ENO4: variants seen among roughly 807,000 people sequenced by gnomAD.
ENO4 encodes the protein enolase 4, also known as 2-phospho-D-glycerate hydro-lyase.
Under a neutral mutation model 63.2 loss-of-function variants are expected in ENO4, and 53 were observed. That is an observed-to-expected ratio of 0.84 (90% CI 0.67 to 1.05). The LOEUF is 1.05. Among genes scored for constraint, ENO4 ranks in the 50% least tolerant of loss-of-function variants. The pLI is 0.00. For missense variants in ENO4, 719 were observed against 772.0 expected (o/e 0.93, Z 0.81); for synonymous variants, 266 against 283.8 (o/e 0.94, Z 0.63).
Position 116,874,085 on chromosome 10 carries a change from A to T in ENO4, c.1225A>T (p.Lys409Ter), listed in dbSNP as rs1226656717. The change falls in exon 10 of 14, where the codon AAG becomes TAG. Residue 409 changes from lysine (K) to a stop codon, truncating the protein, a stop_gained. Transcript: ENST00000341276. LOFTEE classifies it high-confidence loss of function. ...GHELMDYNKG[K>*]YEVIMGTYKN... ...TCCTGACACATATCAGAATAAAGGAAAGTATGAAGTGATCATGGGCACATA... is the reference window on the plus strand; with the variant it reads ...TCCTGACACATATCAGAATAAAGGATAGTATGAAGTGATCATGGGCACATA... The T allele has an allele frequency of 3.9e-5, 61 of 1,544,702 alleles. No individual in the cohort carries two copies. Among genetic ancestry groups the T allele is most frequent in the Non-Finnish European group, 5.2e-5 (59 of 1,142,318 alleles).
At chr10:116,904,472 A>G (rs1451478308) in intron 10 of ENO4, among the ~76,000 whole-genome samples, 1 of 151,152 alleles carries the variant, frequency 6.6e-6, no homozygotes, top group African/African-American at 2.4e-5. Context: ...CTATTAGGAA[A>G]CTCAAAGGAA....
Position 116,866,506 on chromosome 10 carries a change from G to A in ENO4, c.991-2144G>A, listed in dbSNP as rs541702359. 1.1e-4 allele frequency among the ~76,000 whole-genome samples: 16 copies of A among 152,258 alleles called. No homozygotes were observed. In the South Asian group the frequency reaches 3.3e-3, roughly 32 times the overall value. ...TCTTACATATCCTGTCAATGCACTG[G>A]TTTCCTCATCTGTACAACTTTTAAA... On this transcript the variant is annotated intron_variant, in intron 7 of 13. Coordinates refer to ENST00000341276, the MANE Select transcript of ENO4 (RefSeq NM_001242699.2).
intron 10 of ENO4, among the ~76,000 whole-genome samples, chr10:116,899,628 G>A (rs979295612): frequency 1.3e-5 from 2 of 151,968 alleles, no homozygotes; most frequent in African/African-American, 2.4e-5. Context: ...CCTTGACCTT[G>A]ATTCAGGTCA....
At position 116,868,659 on chromosome 10, in the gene ENO4, C is replaced by A. The variant is rs186731151; in HGVS notation, c.1000C>A (p.Pro334Thr). 4.4e-5 allele frequency: 68 copies of A among 1,550,488 alleles called. No homozygotes were observed. Among genetic ancestry groups the A allele is most frequent in the Non-Finnish European group, 5.5e-5 (63 of 1,146,974 alleles). Residue 334 changes from proline (P) to threonine (T), a missense_variant, in exon 8 of 14, where the codon CCA becomes ACA. Physicochemically the swap from Pro to Thr is conservative, Grantham distance 38 (BLOSUM62 -1). Transcript: ENST00000341276. ...INKIIEMPSP[P>T]KAETKKGHDG... ...ATCTTCTGCCCCACAGCCCTCTCCTCCAAAAGCAGAGACAAAAAAAGGGCA... is the reference window on the plus strand; with the variant it reads ...ATCTTCTGCCCCACAGCCCTCTCCTACAAAAGCAGAGACAAAAAAAGGGCA...
chr10:116,875,931 G>A (rs1846820173), intron 10 of ENO4, 134 bp from the exon 11 acceptor site: 1 of 613,380 alleles, frequency 1.6e-6, no homozygotes, highest in Non-Finnish European at 2.6e-6. Flanking sequence ...GGTCATTCAG[G>A]AACAGAAGTA....
rs1393514185 is a variant in ENO4, at chr10:116,849,895, A to C, written c.165+164A>C. 3 of 834,198 alleles carry C rather than the reference A, an allele frequency of 3.6e-6. No individual in the cohort carries two copies. In the Admixed American group the frequency reaches 6.2e-5, roughly 17 times the overall value. The allele number at this position is 834,198 out of a possible 1,614,324, so 51.7% of individuals were successfully genotyped here. A position where few individuals can be genotyped will look rare whatever the true frequency, so the allele number is the denominator to read the frequency against. On this transcript the variant is annotated intron_variant, in intron 1 of 13. Transcript: ENST00000341276. ...GAGACTTCTGGAGGGAAGGAGCGGG[A>C]AGGACACCCAGGGGTGAAGGGATCT...
intron 2 of ENO4, among the ~76,000 whole-genome samples, chr10:116,856,125 T>C (rs1409632017): frequency 6.6e-6 from 1 of 152,208 alleles, no homozygotes; most frequent in Non-Finnish European, 1.5e-5. Context: ...GAAAATAATT[T>C]ACTTTAATAA....
At chr10:116,900,572 A>C in intron 10 of ENO4, 1 of 1,533,414 alleles carries the variant, frequency 6.5e-7, no homozygotes, top group African/African-American at 1.4e-5. Context: ...AAAAATCTAT[A>C]CACACACACT....
chr10:116,911,830 T>G (rs778612536), downstream of ENO4: 1 of 1,612,002 alleles, frequency 6.2e-7, no homozygotes, highest in Non-Finnish European at 8.5e-7. Context: ...TTCGCAGCCT[T>G]TCGAAGATTC....
chr10:116,858,695 A>G (rs921209374), intron 3 of ENO4, among the ~76,000 whole-genome samples: 10 of 152,226 alleles, frequency 6.6e-5, no homozygotes, highest in Non-Finnish European at 1.5e-4. Context: ...CAATAAAATT[A>G]CATCTTCAAG....
At chr10:116,902,048 A>T in intron 10 of ENO4, 1 of 1,148,138 alleles carries the variant, frequency 8.7e-7, no homozygotes, top group South Asian at 1.6e-5. Context: ...AAATCCCTCA[A>T]GAAGTGAAAA....
At chr10:116,904,050 A>G (rs1367541248) in intron 10 of ENO4, among the ~76,000 whole-genome samples, 1 of 152,220 alleles carries the variant, frequency 6.6e-6, no homozygotes, top group Non-Finnish European at 1.5e-5. Flanking sequence ...TCCCTGGGGC[A>G]GATAACCATT....
intron 10 of ENO4, among the ~76,000 whole-genome samples, chr10:116,892,390 A>G (rs1193386790): frequency 6.6e-6 from 1 of 152,212 alleles, no homozygotes; most frequent in Non-Finnish European, 1.5e-5. Flanking sequence ...GTGGGTGATC[A>G]TTTTCTTAAG....
At chr10:116,874,857 A>G (rs1281280827) in intron 10 of ENO4, among the ~76,000 whole-genome samples, 1 of 152,092 alleles carries the variant, frequency 6.6e-6, no homozygotes, top group Admixed American at 6.5e-5. Context: ...TATTTTTAGT[A>G]GAAACAAGGT....
chr10:116,854,764 A>C (rs2133245220), intron 1 of ENO4, among the ~76,000 whole-genome samples: 1 of 150,962 alleles, frequency 6.6e-6, no homozygotes, highest in African/African-American at 2.4e-5. Flanking sequence ...GCAACATAAT[A>C]AGATCCTGTA....
chr10:116,902,811 G>C lies in ENO4; in HGVS notation c.1195-8688G>C, dbSNP rs1455930380. ...GAGAGGATAACCTTGAAATGTGCCAGTAAGAAGAGCACAAAACTTGGGTGT... is the reference window on the plus strand; with the variant it reads ...GAGAGGATAACCTTGAAATGTGCCACTAAGAAGAGCACAAAACTTGGGTGT... On this transcript the variant is annotated intron_variant, in intron 10 of 10. Coordinates refer to the ENO4 transcript ENST00000369207. Among the ~76,000 whole-genome samples the C allele has an allele frequency of 2.6e-5, 4 of 152,316 alleles. No homozygotes were observed. In the East Asian group the frequency reaches 7.7e-4, roughly 29 times the overall value.
rs539427737 is a variant in ENO4 at position 116,869,128 on chromosome 10, C to T, written c.1047+422C>T. On this transcript the variant is annotated intron_variant, in intron 8 of 13. Transcript: ENST00000341276. ...CCTTCCATCTGGTCCCCCAAAGGCACTGAAGCATCATTTCTGACGAACCAT... is the reference window on the plus strand; with the variant it reads ...CCTTCCATCTGGTCCCCCAAAGGCATTGAAGCATCATTTCTGACGAACCAT... 2.3e-3 allele frequency among the ~76,000 whole-genome samples: 345 copies of T among 152,332 alleles called. 1 individual carries two copies. The highest frequency in any genetic ancestry group is 8.1e-3 in the African/African-American group (335 of 41,578).
chr10:116,896,782 T>C (rs1847535534), intron 10 of ENO4, among the ~76,000 whole-genome samples: 1 of 151,822 alleles, frequency 6.6e-6, no homozygotes, highest in African/African-American at 2.4e-5. Context: ...GCCCAATTTA[T>C]TTTCTCTGTG....
At chr10:116,874,036 TA>T in intron 9 of ENO4, 39 bp from the exon 10 acceptor site, 1 of 1,491,840 alleles carries the variant, frequency 6.7e-7, no homozygotes, top group Non-Finnish European at 9.1e-7. Context: ...ATGAATTCAT[TA>T]TTTATCCCTT....
Sources: allele counts gnomAD v4.1 joint callset (sites outside exome capture counted in the v4.1 genomes callset), GRCh38; gene constraint gnomAD v4.1.1; transcripts MANE v1.5; gene names NCBI Gene and HGNC (gene_info 2026-07-23, HGNC 2026-07-21).